The following ATP2C2 variants were observed in gnomAD, a reference collection of about 807,000 sequenced individuals.
ATP2C2 encodes calcium-transporting ATPase type 2C member 2.
ATP2C2 carries 171 observed loss-of-function variants against 110.8 expected under a neutral mutation model. That is an observed-to-expected ratio of 1.54 (90% confidence interval 1.36 to 1.75). The LOEUF (loss-of-function observed/expected upper bound fraction) is 1.75, where lower values mean the gene tolerates loss of function less well. ATP2C2 is among the 40% of genes most tolerant of loss of function. The probability of loss-of-function intolerance (pLI) is 0.00; values close to 1 mark genes in which losing one functional copy is unlikely to be tolerated. For synonymous variants in ATP2C2, 804 were observed against 508.4 expected (o/e 1.58, Z -7.82); for missense variants, 1,963 against 1,235.0 (o/e 1.59, Z -8.84).
At chr16:84,371,458 T>A (rs1909949494) in intron 1 of ATP2C2, among the ~76,000 whole-genome samples, 1 of 152,170 alleles carries the variant, frequency 6.6e-6, no homozygotes, top group South Asian at 2.1e-4. Context: ...TGAGTTGTGA[T>A]CATGCCACTG....
At chr16:84,410,450 A>C in intron 4 of ATP2C2, 118 bp from the exon 5 acceptor site, 1 of 1,195,610 alleles carries the variant, frequency 8.4e-7, no homozygotes, top group Non-Finnish European at 1.2e-6. Flanking sequence ...TGTACTGTGC[A>C]CATGTTTTGC....
At chr16:84,385,815 C>T (rs987030893) in intron 1 of ATP2C2, among the ~76,000 whole-genome samples, 4 of 152,196 alleles carry the variant, frequency 2.6e-5, no homozygotes, top group African/African-American at 9.7e-5. Flanking sequence ...GGAACCACTC[C>T]CGCCATCTAA....
At position 84,422,539 on chromosome 16, in the gene ATP2C2, G is replaced by T. The variant is rs748293046; in HGVS notation, c.774G>T (p.Gln258His). The change falls in exon 8 of 27, where the codon CAG (glutamine) becomes CAT (histidine). Residue 258 changes from glutamine (Q) to histidine (H), a missense_variant and splice_region_variant. By Grantham distance (24) the Gln-to-His change is conservative. Coordinates refer to ENST00000262429, the MANE Select transcript of ATP2C2 (RefSeq NM_014861.4). ...CCCTGGTGCAGTATGGGAGGGGCCAGGTAAGCCCTGGGACACCGAGGCCTT... is the reference window on the plus strand; with the variant it reads ...CCCTGGTGCAGTATGGGAGGGGCCATGTAAGCCCTGGGACACCGAGGCCTT... Reference protein sequence around the residue: ...MGTLVQYGRGQGVVIGTGESS... With the variant: ...MGTLVQYGRGHGVVIGTGESS... 7 of 1,613,666 alleles carry T rather than the reference G, an allele frequency of 4.3e-6. No individual in the cohort carries two copies. The highest frequency in any genetic ancestry group is 5.9e-6 in the Non-Finnish European group (7 of 1,179,858).
At chr16:84,419,379 A>C in intron 7 of ATP2C2, among the ~76,000 whole-genome samples, 1 of 152,036 alleles carries the variant, frequency 6.6e-6, no homozygotes, top group Non-Finnish European at 1.5e-5. Context: ...TCTCCCTGAC[A>C]TCAGACACAT....
intron 7 of ATP2C2, among the ~76,000 whole-genome samples, chr16:84,416,200 T>C (rs919937186): frequency 2.0e-5 from 3 of 152,098 alleles, no homozygotes; most frequent in African/African-American, 7.2e-5. Flanking sequence ...TTTGGGGACA[T>C]TGGCTGTGGG....
At chr16:84,377,973 G>A (rs999681067) in intron 1 of ATP2C2, among the ~76,000 whole-genome samples, 1 of 152,106 alleles carries the variant, frequency 6.6e-6, no homozygotes, top group Admixed American at 6.6e-5. Context: ...CCTCCCTGTG[G>A]CCTATTGGAG....
At chr16:84,450,197 C>T (rs1910131942) in intron 17 of ATP2C2, among the ~76,000 whole-genome samples, 1 of 152,244 alleles carries the variant, frequency 6.6e-6, no homozygotes, top group Non-Finnish European at 1.5e-5. Flanking sequence ...ACTTGTCTTC[C>T]ACCTGTGGCT....
chr16:84,461,844 A>G, intron 25 of ATP2C2, 32 bp downstream of exon 25: 2 of 1,610,022 alleles, frequency 1.2e-6, no homozygotes, highest in Non-Finnish European at 1.7e-6. Context: ...CTCGCTGCAG[A>G]GCTGCTGTGT....
rs76040093 is a variant in ATP2C2 at position 84,377,934 on chromosome 16, G to T, written c.99+9220G>T. 1.1e-3 allele frequency among the ~76,000 whole-genome samples: 162 copies of T among 152,262 alleles called. 3 individuals carry two copies. In the East Asian group the frequency reaches 0.026, roughly 24 times the overall value. ...AAGCGGGCATGGTGCCCCACTAGCT[G>T]GGCCATATTCCTATGACCTTCCCTA... On this transcript the variant is annotated intron_variant, in intron 1 of 26. Transcript: ENST00000262429.
At chr16:84,442,006 C>G (rs934091749) in intron 14 of ATP2C2, among the ~76,000 whole-genome samples, 4 of 152,052 alleles carry the variant, frequency 2.6e-5, no homozygotes, top group African/African-American at 9.7e-5. Context: ...AGAAGTAATG[C>G]GAGTGTCCAG....
chr16:84,407,632 A>T (rs1305630112), intron 3 of ATP2C2, among the ~76,000 whole-genome samples: 1 of 151,996 alleles, frequency 6.6e-6, no homozygotes, highest in Non-Finnish European at 1.5e-5. Flanking sequence ...CACCATGCCC[A>T]GCTCATTTTT....
At chr16:84,440,200 A>C (rs1909116263) in intron 13 of ATP2C2, among the ~76,000 whole-genome samples, 8 of 152,196 alleles carry the variant, frequency 5.3e-5, no homozygotes, top group Admixed American at 5.2e-4. Flanking sequence ...TGGTGCAATC[A>C]TGGCTCACTG....
intron 1 of ATP2C2, among the ~76,000 whole-genome samples, chr16:84,388,101 G>C (rs1462937607): frequency 1.3e-5 from 2 of 152,148 alleles, no homozygotes; most frequent in East Asian, 3.8e-4. Flanking sequence ...GGAGGCCGAG[G>C]TGGGTAGATC....
chr16:84,389,146 A>AG (rs373829862), intron 1 of ATP2C2, among the ~76,000 whole-genome samples: 1 of 152,142 alleles, frequency 6.6e-6, no homozygotes, highest in Non-Finnish European at 1.5e-5. Flanking sequence ...TGAAACCCCC[A>AG]GGGGCCAAGT....
At chr16:84,426,826 T>A (rs1907852637) in intron 11 of ATP2C2, among the ~76,000 whole-genome samples, 1 of 152,260 alleles carries the variant, frequency 6.6e-6, no homozygotes, top group East Asian at 1.9e-4. Context: ...CATCATCACT[T>A]GATGATGCTA....
intron 1 of ATP2C2, among the ~76,000 whole-genome samples, chr16:84,370,514 G>A (rs1383685512): frequency 3.3e-5 from 5 of 152,264 alleles, no homozygotes; most frequent in African/African-American, 9.6e-5. Context: ...TGGGGAGGCC[G>A]GGTGGCTGGG....
Position 84,392,804 on chromosome 16 carries a change from G to A in ATP2C2, c.100-5695G>A, listed in dbSNP as rs188489687. Among the ~76,000 whole-genome samples, 20 of 152,098 alleles carry A rather than the reference G, an allele frequency of 1.3e-4. No homozygotes were observed. In the East Asian group the frequency reaches 3.3e-3, roughly 25 times the overall value. ...TTGTAGTTTACATGCTGGGGAGGCC[G>A]GGCTGTGTGTCCTACAGTTCCCACA... is the stretch of plus-strand genomic sequence containing the variant. On this transcript the variant is annotated intron_variant, in intron 1 of 26. Coordinates refer to ENST00000262429, the MANE Select transcript of ATP2C2 (RefSeq NM_014861.4).
At chr16:84,458,588 C>A (rs147710415) in intron 21 of ATP2C2, among the ~76,000 whole-genome samples, 4 of 152,104 alleles carry the variant, frequency 2.6e-5, no homozygotes, top group Non-Finnish European at 5.9e-5. Flanking sequence ...GTGGGGGCAC[C>A]CACGGTGCGT....
At chr16:84,373,881 A>G (rs183498576) in intron 1 of ATP2C2, among the ~76,000 whole-genome samples, 75 of 152,336 alleles carry the variant, frequency 4.9e-4, no homozygotes, top group African/African-American at 1.5e-3. Flanking sequence ...GATGCTAAGA[A>G]TGTCTGCTAA....
Sources: allele counts gnomAD v4.1 joint callset (sites outside exome capture counted in the v4.1 genomes callset), GRCh38; gene constraint gnomAD v4.1.1; transcripts MANE v1.5; gene names NCBI Gene and HGNC (gene_info 2026-07-23, HGNC 2026-07-21).